KIAA1217: variants seen among roughly 807,000 people sequenced by gnomAD.
The protein encoded by KIAA1217 is sickle tail protein homolog.
In KIAA1217, 88 loss-of-function variants were observed where a neutral mutation model predicts 163.9. The ratio of observed to expected loss-of-function variants is 0.54; its 90% CI spans 0.45 to 0.64. The LOEUF (loss-of-function observed/expected upper bound fraction) is 0.64. Among genes scored for constraint, KIAA1217 ranks in the 30% least tolerant of loss-of-function variants. KIAA1217 has a pLI of 0.00. For synonymous variants in KIAA1217, 903 were observed against 923.1 expected, an observed-to-expected ratio of 0.98 and a Z score of 0.39; for missense variants, 2,372 against 2,475.0, an observed-to-expected ratio of 0.96 and a Z score of 0.88.
intron 20 of KIAA1217, 72 bp downstream of exon 20, chr10:24,545,175 C>A: frequency 6.3e-7 from 1 of 1,589,462 alleles, no homozygotes; most frequent in East Asian, 2.3e-5. Context: ...TAGTTTATAC[C>A]AAATATTGTG....
At chr10:24,438,061 T>A (rs914484541) in intron 4 of KIAA1217, among the ~76,000 whole-genome samples, 1 of 151,916 alleles carries the variant, frequency 6.6e-6, no homozygotes, top group Non-Finnish European at 1.5e-5. Context: ...GAACTTTATT[T>A]TTTTTTTTAA....
At chr10:24,394,705 C>T (rs1276248709) in intron 3 of KIAA1217, among the ~76,000 whole-genome samples, 1 of 152,146 alleles carries the variant, frequency 6.6e-6, no homozygotes, top group African/African-American at 2.4e-5. Context: ...CCAGCAGTCT[C>T]GCCCAGCACC....
intron 1 of KIAA1217, among the ~76,000 whole-genome samples, chr10:23,955,566 T>C (rs1844524519): frequency 6.6e-6 from 1 of 152,160 alleles, no homozygotes; most frequent in South Asian, 2.1e-4. Context: ...AAATACAGGA[T>C]GGGACTGTGC....
At chr10:23,992,400 C>T (rs61321361) in intron 1 of KIAA1217, among the ~76,000 whole-genome samples, 39,640 of 144,540 alleles carry the variant, frequency 0.27, 6,248 homozygotes, top group South Asian at 0.35. Flanking sequence ...TCCTTGCCTA[C>T]CCCATTGCCA....
intron 1 of KIAA1217, among the ~76,000 whole-genome samples, chr10:23,767,253 G>A (rs945889549): frequency 3.9e-5 from 6 of 152,232 alleles, no homozygotes; most frequent in Admixed American, 3.3e-4. Context: ...GCTGGGCTTT[G>A]CTCTGAAAGC....
At position 24,534,881 on chromosome 10, in the gene KIAA1217, CAAAAAAAAAAAAA is replaced by C. The variant is rs71506838; in HGVS notation, c.3414+1654_3414+1666del. On this transcript the variant is annotated intron_variant, in intron 16 of 20. Coordinates refer to ENST00000376454, the MANE Select transcript of KIAA1217 (RefSeq NM_019590.5). ...GGGTGACAAGAGTGAAACTCTGTCT[CAAAAAAAAAAAAA>C]AAAAAAAAAGCGTGGTGAATGAAGT... 9.7e-5 allele frequency among the ~76,000 whole-genome samples: 7 copies of C among 71,840 alleles called. No homozygotes were observed. The South Asian group carries it at 2.8e-3, about 28-fold the overall frequency. 47.1% of individuals were successfully genotyped at this position (71,840 alleles called of 152,430 possible).
chr10:24,242,040 A>T (rs1327941159), intron 2 of KIAA1217, among the ~76,000 whole-genome samples: 1 of 152,204 alleles, frequency 6.6e-6, no homozygotes, highest in Non-Finnish European at 1.5e-5. Context: ...CATTCCCAGC[A>T]CTGTTTGGGG....
chr10:23,886,916 T>C (rs1841199436), intron 1 of KIAA1217, among the ~76,000 whole-genome samples: 1 of 151,856 alleles, frequency 6.6e-6, no homozygotes, highest in Non-Finnish European at 1.5e-5. Context: ...ATTCTCCAAC[T>C]GCTGTAACCA....
chr10:24,040,275 G>A (rs12247752), intron 2 of KIAA1217, among the ~76,000 whole-genome samples: 4,866 of 152,344 alleles, frequency 0.032, 237 homozygotes, highest in African/African-American at 0.11. Flanking sequence ...CACTTGGCTA[G>A]TGGGTGGAGA....
chr10:24,099,749 C>T (rs1366609481), intron 2 of KIAA1217, among the ~76,000 whole-genome samples: 8 of 135,170 alleles, frequency 5.9e-5, no homozygotes, highest in African/African-American at 2.2e-4. Flanking sequence ...CTCCCCCCAT[C>T]CCACAACAGT....
chr10:23,938,441 A>G (rs368266325), intron 1 of KIAA1217, among the ~76,000 whole-genome samples: 5 of 152,196 alleles, frequency 3.3e-5, no homozygotes, highest in Non-Finnish European at 2.9e-5. Flanking sequence ...CGAGACCTCT[A>G]TGTCTGTGCA....
chr10:24,446,481 CTT>C (rs2060944129), intron 5 of KIAA1217, among the ~76,000 whole-genome samples: 1 of 152,072 alleles, frequency 6.6e-6, no homozygotes, highest in African/African-American at 2.4e-5. Context: ...ACTCAGAGCA[CTT>C]TTTCTCACAG....
chr10:23,774,378 C>A (rs181920447), intron 1 of KIAA1217, among the ~76,000 whole-genome samples: 153 of 152,248 alleles, frequency 1.0e-3, no homozygotes, highest in Non-Finnish European at 1.8e-3. Flanking sequence ...GAGACAGGTA[C>A]CCCCATCCTA....
At chr10:23,713,038 A>C (rs2130740444) in intron 1 of KIAA1217, among the ~76,000 whole-genome samples, 1 of 152,244 alleles carries the variant, frequency 6.6e-6, no homozygotes, top group South Asian at 2.1e-4. Context: ...GTAGAATGCC[A>C]GATCAAGGTT....
chr10:24,374,878 G>A (rs1042094997), intron 2 of KIAA1217, among the ~76,000 whole-genome samples: 1 of 152,044 alleles, frequency 6.6e-6, no homozygotes, highest in African/African-American at 2.4e-5. Context: ...CTTCAACCTC[G>A]GGCTCAAGCC....
intron 2 of KIAA1217, among the ~76,000 whole-genome samples, chr10:24,088,268 T>TAG (rs2061781657): frequency 9.2e-6 from 1 of 108,374 alleles, no homozygotes; most frequent in African/African-American, 2.9e-5. Context: ...TATATATATA[T>TAG]ATATATACAC....
intron 1 of KIAA1217, among the ~76,000 whole-genome samples, chr10:23,738,149 A>T (rs1760397794): frequency 6.6e-6 from 1 of 151,942 alleles, no homozygotes; most frequent in African/African-American, 2.4e-5. Context: ...TTTTTCCCCC[A>T]CTTTGGTTAA....
At position 24,524,734 on chromosome 10, in the gene KIAA1217, G is replaced by C. The variant is rs1485035963; in HGVS notation, c.2868G>C (p.Val956=). Residue 956 remains valine, a synonymous_variant, in exon 13 of 21, where the codon GTG becomes GTC. Coordinates refer to ENST00000376454, the MANE Select transcript of KIAA1217 (RefSeq NM_019590.5). ...QSLFIEEIHS[V]SAKNRAVSIE... is the part of the protein sequence containing the mutation. The stretch of plus-strand genomic sequence containing the variant: ...TGTTCATTGAAGAAATCCACAGTGT[G>C]AGTGCCAAGAACAGGGCAGTGTCTA... The C allele has an allele frequency of 6.2e-7, 1 of 1,606,852 alleles. No homozygotes were observed. Among genetic ancestry groups the C allele is most frequent in the Admixed American group, 1.7e-5 (1 of 59,804 alleles).
rs563292221 is a variant in KIAA1217, at chr10:24,158,811, T to C, written c.-170-60815T>C. On this transcript the variant is annotated intron_variant, in intron 2 of 18. Transcript: ENST00000376462. ...CGGTAGTAGAAGACCAAGGAGGAGG[T>C]TGTTACACTAAAACAGAGTTAGCAG... 20 of 428,730 alleles carry C rather than the reference T, an allele frequency of 4.7e-5. 1 individual carries two copies. Among genetic ancestry groups the C allele is most frequent in the South Asian group, 3.8e-4 (19 of 49,664 alleles). 26.6% of individuals were successfully genotyped at this position (428,730 alleles called of 1,614,324 possible). A position where few individuals can be genotyped will look rare whatever the true frequency, so the allele number is the denominator to read the frequency against.
Sources: allele counts gnomAD v4.1 joint callset (sites outside exome capture counted in the v4.1 genomes callset), GRCh38; gene constraint gnomAD v4.1.1; transcripts MANE v1.5; gene names NCBI Gene and HGNC (gene_info 2026-07-23, HGNC 2026-07-21).